The following ZFHX3 variants were observed in gnomAD, a reference collection of about 807,000 sequenced individuals.
ZFHX3 encodes the protein zinc finger homeobox protein 3.
A neutral mutation model predicts 279.1 loss-of-function variants in ZFHX3; 42 were observed. That is an observed-to-expected ratio of 0.15 (90% CI 0.12 to 0.19). The LOEUF (loss-of-function observed/expected upper bound fraction) is 0.19, where lower values mean the gene tolerates loss of function less well. ZFHX3 is among the 10% of genes least tolerant of loss of function. The probability of loss-of-function intolerance (pLI) is 1.00; values close to 1 mark genes in which losing one functional copy is unlikely to be tolerated. For synonymous variants in ZFHX3, 2,293 were observed against 1,957.8 expected, an observed-to-expected ratio of 1.17 and a Z score of -4.52; for missense variants, 4,981 against 4,754.0, an observed-to-expected ratio of 1.05 and a Z score of -1.40.
At chr16:73,192,333 G>A (rs907714803) in intron 5 of ZFHX3, among the ~76,000 whole-genome samples, 3 of 152,192 alleles carry the variant, frequency 2.0e-5, no homozygotes, top group African/African-American at 4.8e-5. Flanking sequence ...GGCATTGAGA[G>A]GTGCTGAAAC....
chr16:72,916,939 C>T (rs1359951513), intron 3 of ZFHX3, among the ~76,000 whole-genome samples: 1 of 152,072 alleles, frequency 6.6e-6, no homozygotes, highest in East Asian at 1.9e-4. Context: ...CAGTTCTAAG[C>T]TTAACAAAGC....
intron 2 of ZFHX3, among the ~76,000 whole-genome samples, chr16:73,581,624 C>T (rs1331460922): frequency 1.3e-5 from 2 of 148,646 alleles, no homozygotes; most frequent in Non-Finnish European, 3.0e-5. Context: ...CATTAACATC[C>T]ATATCACTGG....
chr16:73,843,900 A>G (rs1961379309), intron 1 of ZFHX3, among the ~76,000 whole-genome samples: 1 of 152,240 alleles, frequency 6.6e-6, no homozygotes, highest in Non-Finnish European at 1.5e-5. Flanking sequence ...TTTATGGACA[A>G]TGAAATCTGG....
At chr16:73,876,396 C>A (rs2029948515) in intron 1 of ZFHX3, among the ~76,000 whole-genome samples, 1 of 152,178 alleles carries the variant, frequency 6.6e-6, no homozygotes, top group South Asian at 2.1e-4. Context: ...CATGCAGACA[C>A]AGGCTAATAT....
chr16:73,325,904 CACACACACACACACACACACACAA>C (rs1486405325), intron 3 of ZFHX3, among the ~76,000 whole-genome samples: 2 of 97,374 alleles, frequency 2.1e-5, no homozygotes, highest in African/African-American at 3.6e-5. Context: ...CACACACAAA[CACACACACACACACACACACACAA>C]ACACACACAC....
intron 4 of ZFHX3, among the ~76,000 whole-genome samples, chr16:73,289,006 T>A (rs1016111941): frequency 2.7e-5 from 4 of 147,930 alleles, no homozygotes; most frequent in Admixed American, 1.4e-4. Context: ...GACTTTGTGT[T>A]ACATAAAACA....
intron 2 of ZFHX3, among the ~76,000 whole-genome samples, chr16:73,468,912 C>T (rs986966276): frequency 6.6e-6 from 1 of 152,178 alleles, no homozygotes; most frequent in Non-Finnish European, 1.5e-5. Context: ...GGTCTCCTTT[C>T]TGGATTGACT....
At chr16:72,853,865 G>A (rs1467175568) in intron 4 of ZFHX3, among the ~76,000 whole-genome samples, 2 of 151,946 alleles carry the variant, frequency 1.3e-5, no homozygotes, top group African/African-American at 4.8e-5. Context: ...AGAGAGCTAG[G>A]TGCACAGACT....
At chr16:73,004,504 G>C (rs1369453197) in intron 1 of ZFHX3, among the ~76,000 whole-genome samples, 2 of 151,344 alleles carry the variant, frequency 1.3e-5, no homozygotes, top group Non-Finnish European at 2.9e-5. Flanking sequence ...AGTAGAGATG[G>C]GGTTTCCCCA....
chr16:72,942,453 GTT>G (rs1960457595), intron 3 of ZFHX3, among the ~76,000 whole-genome samples: 1 of 152,124 alleles, frequency 6.6e-6, no homozygotes, highest in African/African-American at 2.4e-5. Flanking sequence ...GAAGTTTGAG[GTT>G]TCTCTCTCAT....
intron 2 of ZFHX3, among the ~76,000 whole-genome samples, chr16:73,522,384 T>C (rs180769580): frequency 1.8e-4 from 27 of 152,330 alleles, no homozygotes; most frequent in Admixed American, 1.8e-3. Flanking sequence ...CCACAGAGGT[T>C]TCTCTTTGTC....
chr16:73,811,137 G>T (rs1960414010), intron 1 of ZFHX3, among the ~76,000 whole-genome samples: 2 of 152,144 alleles, frequency 1.3e-5, no homozygotes, highest in African/African-American at 4.8e-5. Context: ...GACAGTACCA[G>T]AACTCCTACC....
At chr16:73,178,287 G>C (rs968142450) in intron 5 of ZFHX3, among the ~76,000 whole-genome samples, 6 of 151,812 alleles carry the variant, frequency 4.0e-5, no homozygotes, top group African/African-American at 1.5e-4. Flanking sequence ...ACAGGCACCC[G>C]CCACAACACC....
chr16:73,178,646 T>C (rs193065882), intron 5 of ZFHX3, among the ~76,000 whole-genome samples: 1 of 152,290 alleles, frequency 6.6e-6, no homozygotes, highest in East Asian at 1.9e-4. Flanking sequence ...TTCAACACAA[T>C]AGTTTATTTT....
Position 72,933,813 on chromosome 16 carries a change from C to CTTTTTTTT in ZFHX3, c.3216+16648_3216+16655dup, listed in dbSNP as rs71391468. Among the ~76,000 whole-genome samples, 258 of 112,416 alleles carry CTTTTTTTT rather than the reference C, an allele frequency of 2.3e-3. 12 individuals are homozygous for CTTTTTTTT. The highest frequency in any genetic ancestry group is 0.012 in the Middle Eastern group (2 of 172). 73.7% of individuals were successfully genotyped at this position (112,416 alleles called of 152,430 possible). ...TATGAAATGTTTAGCTCACAACTTT[C>CTTTTTTTT]TTTTTTTTTTTTTTTTTTTTTTTGA... is the stretch of plus-strand genomic sequence containing the variant. On this transcript the variant is annotated intron_variant, in intron 3 of 9. Transcript: ENST00000268489.
At chr16:73,871,139 G>A (rs1223577234) in intron 1 of ZFHX3, among the ~76,000 whole-genome samples, 3 of 152,128 alleles carry the variant, frequency 2.0e-5, no homozygotes, top group Non-Finnish European at 4.4e-5. Flanking sequence ...TTTACATAAA[G>A]CTACTTAGGG....
chr16:73,055,694 G>GCACACACACACACACACACACACA (rs753027373), intron 1 of ZFHX3, among the ~76,000 whole-genome samples: 3 of 138,040 alleles, frequency 2.2e-5, no homozygotes, highest in Non-Finnish European at 3.1e-5. Flanking sequence ...GCGCGCGCGC[G>GCACACACACACACACACACACACA]CGCGCACACA....
At chr16:73,226,894 T>G (rs2012611123) in intron 5 of ZFHX3, among the ~76,000 whole-genome samples, 1 of 152,238 alleles carries the variant, frequency 6.6e-6, no homozygotes, top group Non-Finnish European at 1.5e-5. Context: ...CAATGAAGTA[T>G]TTCATACTAG....
At chr16:73,700,884 A>C (rs1461818317) in intron 1 of ZFHX3, among the ~76,000 whole-genome samples, 2 of 152,208 alleles carry the variant, frequency 1.3e-5, no homozygotes, top group Admixed American at 1.3e-4. Flanking sequence ...CACCAGCTGA[A>C]TTGGCCTTAT....
Sources: gnomAD v4.1 joint callset for allele counts (sites outside exome capture counted in the v4.1 genomes callset) on GRCh38, gnomAD v4.1.1 for gene constraint, MANE v1.5 for transcripts, NCBI Gene and HGNC (gene_info 2026-07-23, HGNC 2026-07-21) for gene names.